Variants in SLC15A2 observed in about 807,000 individuals in gnomAD.
SLC15A2 encodes the protein solute carrier family 15 member 2, also known as kidney H(+)/peptide cotransporter.
A neutral mutation model predicts 95.5 loss-of-function variants in SLC15A2; 77 were observed. The observed-to-expected ratio is 0.81, with a 90% CI of 0.67 to 0.97. The LOEUF is 0.97. Among genes scored for constraint, SLC15A2 ranks in the 50% least tolerant of loss-of-function variants. The pLI is 0.00. For synonymous variants in SLC15A2, 306 were observed against 306.9 expected, an observed-to-expected ratio of 1.00 and a Z score of 0.03; for missense variants, 893 against 874.4, an observed-to-expected ratio of 1.02 and a Z score of -0.27.
chr3:121,895,700 C>A (rs1012314176), intron 1 of SLC15A2, among the ~76,000 whole-genome samples: 2 of 152,132 alleles, frequency 1.3e-5, no homozygotes, highest in Non-Finnish European at 2.9e-5. Flanking sequence ...CATAACATTC[C>A]TTATATTCTG....
At chr3:121,906,626 T>G (rs983876969) in intron 3 of SLC15A2, among the ~76,000 whole-genome samples, 5 of 152,192 alleles carry the variant, frequency 3.3e-5, no homozygotes, top group Admixed American at 6.5e-5. Flanking sequence ...GAAGCTTAGT[T>G]TGGCTGGATA....
intron 17 of SLC15A2, among the ~76,000 whole-genome samples, 196 bp downstream of exon 17, chr3:121,929,544 ACT>A (rs1710189954): frequency 6.6e-6 from 1 of 151,750 alleles, no homozygotes; most frequent in African/African-American, 2.4e-5. Context: ...TTCGAAGATG[ACT>A]CTATCTGTGT....
intron 3 of SLC15A2, among the ~76,000 whole-genome samples, chr3:121,904,756 T>A (rs1709597478): frequency 6.6e-6 from 1 of 152,266 alleles, no homozygotes. Flanking sequence ...GGTTTGCCAG[T>A]ATTTTATTGA....
Position 121,928,979 on chromosome 3 carries a change from C to T in SLC15A2, c.1342-3C>T, listed in dbSNP as rs1232265071. The T allele has an allele frequency of 6.2e-7, 1 of 1,613,020 alleles. No homozygotes were observed. Among genetic ancestry groups the T allele is most frequent in the East Asian group, 2.2e-5 (1 of 44,866 alleles). On this transcript the variant is annotated splice_polypyrimidine_tract_variant and splice_region_variant and intron_variant, in intron 15 of 21. Coordinates refer to ENST00000489711, the MANE Select transcript of SLC15A2 (RefSeq NM_021082.4). Reference sequence around the variant, plus strand: ...CCTTCATTTTATATTCTTCATTTTACAGAAAACACCACACTATTCCAAACT... The same window carrying T: ...CCTTCATTTTATATTCTTCATTTTATAGAAAACACCACACTATTCCAAACT...
Position 121,894,549 on chromosome 3 carries a change from C to T in SLC15A2, c.73C>T (p.Arg25Ter), listed in dbSNP as rs769270044. The change falls in exon 1 of 22, where the codon CGA becomes TGA. Residue 25 changes from arginine (R) to a stop codon, truncating the protein, a stop_gained. Transcript: ENST00000489711. LOFTEE classifies it high-confidence loss of function. ...TGTCTCCATTGAAGAGGTACCACCT[C>T]GACCACCTAGCCCTCCAAAGAAGCC... Reference protein sequence around the residue: ...SPVSIEEVPPRPPSPPKKPSP... With the variant: ...SPVSIEEVPP The T allele has an allele frequency of 3.2e-5, 52 of 1,613,934 alleles. No homozygotes were observed. In the Middle Eastern group the frequency reaches 4.9e-4, roughly 15 times the overall value.
intron 19 of SLC15A2, 79 bp downstream of exon 19, chr3:121,931,814 ACAAAAGAGAAGACTCTGTGGCAAAG>A (rs1488143548): frequency 3.7e-6 from 3 of 807,090 alleles, no homozygotes; most frequent in Non-Finnish European, 6.3e-6. Flanking sequence ...GGGGCAGAAA[ACAAAAGAGAAGACTCTGTGGCAAAG>A]CAGACACGTA....
In SLC15A2 at chr3:121,894,502, C is replaced by G; in HGVS notation, c.26C>G (p.Ser9Cys). 6.2e-7 allele frequency: 1 copy of G among 1,613,218 alleles called. No individual in the cohort carries two copies. Among genetic ancestry groups the G allele is most frequent in the African/African-American group, 1.3e-5 (1 of 74,948 alleles). Reference sequence around the variant, plus strand: ...ATGAATCCTTTCCAGAAAAATGAGTCCAAGGAAACTCTTTTTTCACCTGTC... The same window carrying G: ...ATGAATCCTTTCCAGAAAAATGAGTGCAAGGAAACTCTTTTTTCACCTGTC... MNPFQKNESKETLFSPVSI... is the reference protein window; with the variant it reads MNPFQKNECKETLFSPVSI... The change falls in exon 1 of 22, where the codon TCC (serine) becomes TGC (cysteine). Residue 9 changes from serine to cysteine, a missense_variant. Ser to Cys is a moderately radical substitution (Grantham distance 112). Transcript: ENST00000489711.
intron 3 of SLC15A2, 139 bp downstream of exon 3, chr3:121,897,668 T>G: frequency 1.3e-6 from 1 of 777,722 alleles, no homozygotes; most frequent in Non-Finnish European, 1.9e-6. Flanking sequence ...CTGTGTAGTG[T>G]GGGAAATTTA....
chr3:121,903,650 C>T (rs933156707), intron 3 of SLC15A2, among the ~76,000 whole-genome samples: 11 of 152,142 alleles, frequency 7.2e-5, no homozygotes, highest in African/African-American at 2.7e-4. Context: ...TGTCAAAGAT[C>T]AGATGGTTGT....
chr3:121,930,931 A>G lies in SLC15A2; in HGVS notation c.1645A>G (p.Arg549Gly), dbSNP rs1231585341. Residue 549 changes from arginine (R) to glycine (G), a missense_variant, in exon 18 of 22, where the codon AGA becomes GGA. Physicochemically the swap from Arg to Gly is moderately radical, Grantham distance 125. Coordinates refer to ENST00000489711, the MANE Select transcript of SLC15A2 (RefSeq NM_021082.4). ...TGAAGACTATGGTGTGTCTGCTTAT[A>G]GAACTGTGCAAAGAGGAGAGTAAGT... ...VGEDYGVSAYRTVQRGEYPAV... is the reference protein window; with the variant it reads ...VGEDYGVSAYGTVQRGEYPAV... The G allele has an allele frequency of 6.2e-7, 1 of 1,610,260 alleles. No homozygotes were observed. Among genetic ancestry groups the G allele is most frequent in the South Asian group, 1.1e-5 (1 of 90,998 alleles).
chr3:121,931,316 G>A (rs1710228794), intron 18 of SLC15A2, among the ~76,000 whole-genome samples: 1 of 152,180 alleles, frequency 6.6e-6, no homozygotes, highest in African/African-American at 2.4e-5. Context: ...CAGGTTCACT[G>A]TTATAGCCTG....
intron 13 of SLC15A2, among the ~76,000 whole-genome samples, chr3:121,925,722 T>G (rs1710102013): frequency 1.2e-5 from 1 of 80,896 alleles, no homozygotes; most frequent in African/African-American, 4.7e-5. Context: ...GTAAAGGGGC[T>G]AGACTATATA....
At chr3:121,904,087 T>C (rs568251064) in intron 3 of SLC15A2, among the ~76,000 whole-genome samples, 16 of 152,368 alleles carry the variant, frequency 1.1e-4, no homozygotes, top group African/African-American at 3.8e-4. Context: ...GTTGGATTCC[T>C]AGGTATTTTT....
intron 3 of SLC15A2, among the ~76,000 whole-genome samples, chr3:121,901,678 C>T (rs558667740): frequency 1.4e-4 from 21 of 151,784 alleles, no homozygotes; most frequent in Non-Finnish European, 2.1e-4. Context: ...ACTACCCTTC[C>T]TTAAGTTGGA....
At chr3:121,917,792 A>T (rs932957231) in intron 7 of SLC15A2, among the ~76,000 whole-genome samples, 2 of 152,210 alleles carry the variant, frequency 1.3e-5, no homozygotes, top group African/African-American at 4.8e-5. Flanking sequence ...TAAGGGCCAA[A>T]CAGCAATTAA....
intron 13 of SLC15A2, among the ~76,000 whole-genome samples, chr3:121,925,670 CA>C (rs201119071): frequency 1.5e-3 from 106 of 70,542 alleles, no homozygotes; most frequent in Middle Eastern, 6.8e-3. Context: ...ATAAATCAAG[CA>C]AAAAAAAAAA....
chr3:121,915,289 T>A lies in SLC15A2; in HGVS notation c.591T>A (p.Ile197=), dbSNP rs1709869561. The change falls in exon 6 of 22, where the codon ATT becomes ATA. Residue 197 remains isoleucine (I), a synonymous_variant. Transcript: ENST00000489711. The stretch of plus-strand genomic sequence containing the variant: ...TGTCCATCAATGCAGGGAGCTTGAT[T>A]TCTACATTTATCACACCCATGCTGA... The part of the protein sequence containing the change: ...FYLSINAGSL[I]STFITPMLRG... 6.2e-7 allele frequency: 1 copy of A among 1,612,996 alleles called. No individual in the cohort carries two copies. Among genetic ancestry groups the A allele is most frequent in the Non-Finnish European group, 8.5e-7 (1 of 1,179,548 alleles).
rs752440552 is a variant in SLC15A2 at position 121,929,339 on chromosome 3, C to T, written c.1544C>T (p.Thr515Ile). The change falls in exon 17 of 22, where the codon ACA becomes ATA. Residue 515 changes from threonine to isoleucine, a missense_variant. Physicochemically the swap from Thr to Ile is moderately conservative, Grantham distance 89 (BLOSUM62 -1). Transcript: ENST00000489711. ...DTESRTTNGM[T>I]TVRFVNTLHK... Reference sequence around the variant, plus strand: ...GAAAGCAGAACAACCAATGGGATGACAACCGTGAGGTTTGAATGTCAATGA... The same window carrying T: ...GAAAGCAGAACAACCAATGGGATGATAACCGTGAGGTTTGAATGTCAATGA... 12 of 1,613,934 alleles carry T rather than the reference C, an allele frequency of 7.4e-6. No homozygotes were observed. The highest frequency in any genetic ancestry group is 1.0e-5 in the Non-Finnish European group (12 of 1,179,818).
intron 7 of SLC15A2, among the ~76,000 whole-genome samples, chr3:121,921,559 G>A (rs1338299708): frequency 6.6e-6 from 1 of 152,124 alleles, no homozygotes; most frequent in Non-Finnish European, 1.5e-5. Flanking sequence ...AGTTACATGT[G>A]ATAAACCTTC....
Sources: gnomAD v4.1 joint callset for allele counts (sites outside exome capture counted in the v4.1 genomes callset) on GRCh38, gnomAD v4.1.1 for gene constraint, MANE v1.5 for transcripts, NCBI Gene and HGNC (gene_info 2026-07-23, HGNC 2026-07-21) for gene names.